Variants in RAD51B observed in about 807,000 individuals in gnomAD.
RAD51B encodes the protein RAD51 paralog B.
RAD51B carries 38 observed loss-of-function variants against 42.2 expected under a neutral mutation model. That is an observed-to-expected ratio of 0.90 (90% CI 0.70 to 1.18). The LOEUF (loss-of-function observed/expected upper bound fraction) is 1.18, where lower values mean the gene tolerates loss of function less well. RAD51B is among the 50% of genes most tolerant of loss of function. The pLI is 0.00. For missense variants in RAD51B, 373 were observed against 400.7 expected (o/e 0.93, Z 0.59); for synonymous variants, 154 against 145.2 (o/e 1.06, Z -0.43).
exon 11 of RAD51B, chr14:68,611,460 C>T (rs1372058896): frequency 1.7e-6 from 1 of 572,320 alleles, no homozygotes; most frequent in East Asian, 2.9e-5. Flanking sequence ...ATCTCATTTC[C>T]TCCAGCTGGG....
At chr14:68,681,098 T>C (rs1011394674) in intron 11 of RAD51B, among the ~76,000 whole-genome samples, 5 of 152,192 alleles carry the variant, frequency 3.3e-5, no homozygotes, top group Non-Finnish European at 5.9e-5. Context: ...TTGTCTGTCA[T>C]GGATTTACTC....
chr14:68,616,551 C>G (rs1891830492), downstream of RAD51B, among the ~76,000 whole-genome samples: 1 of 152,034 alleles, frequency 6.6e-6, no homozygotes, highest in Non-Finnish European at 1.5e-5. Context: ...TTATGATGTA[C>G]TTTGGTATGA....
chr14:67,843,129 T>C (rs892519010), intron 4 of RAD51B, among the ~76,000 whole-genome samples: 58 of 151,232 alleles, frequency 3.8e-4, no homozygotes, highest in Non-Finnish European at 3.1e-4. Flanking sequence ...ACCTGATGCT[T>C]TCTTTTTTTT....
At chr14:68,530,478 G>GAGAT (rs1887229526) in intron 10 of RAD51B, among the ~76,000 whole-genome samples, 1 of 113,678 alleles carries the variant, frequency 8.8e-6, no homozygotes, top group African/African-American at 3.0e-5. Context: ...AAGAGATAAA[G>GAGAT]AAAGAAAAAA....
At chr14:68,150,776 G>A (rs932230317) in intron 7 of RAD51B, among the ~76,000 whole-genome samples, 6 of 152,184 alleles carry the variant, frequency 3.9e-5, no homozygotes, top group African/African-American at 1.4e-4. Context: ...GGATTTGACA[G>A]TATATATCTT....
intron 4 of RAD51B, 93 bp from the exon 5 acceptor site, chr14:67,864,910 A>G (rs2042275093): frequency 7.1e-7 from 1 of 1,417,826 alleles, no homozygotes; most frequent in Non-Finnish European, 9.3e-7. Flanking sequence ...ATATATGGCA[A>G]AGTCTTAAAA....
intron 7 of RAD51B, among the ~76,000 whole-genome samples, chr14:68,177,736 A>C (rs1204871153): frequency 6.6e-6 from 1 of 152,110 alleles, no homozygotes; most frequent in South Asian, 2.1e-4. Context: ...TCCAAAAGTC[A>C]GAAGAATTTA....
intron 4 of RAD51B, among the ~76,000 whole-genome samples, chr14:67,845,154 C>T (rs963658843): frequency 6.6e-6 from 1 of 152,094 alleles, no homozygotes; most frequent in Non-Finnish European, 1.5e-5. Context: ...TGTTGTTAGC[C>T]GGTTATTATG....
At chr14:68,060,250 A>C (rs1393120204) in intron 7 of RAD51B, among the ~76,000 whole-genome samples, 6 of 152,218 alleles carry the variant, frequency 3.9e-5, no homozygotes, top group Non-Finnish European at 8.8e-5. Context: ...TTTTGATAGA[A>C]GATAAAAGAA....
At chr14:68,551,165 C>T (rs542168012) in intron 10 of RAD51B, among the ~76,000 whole-genome samples, 7 of 152,174 alleles carry the variant, frequency 4.6e-5, no homozygotes, top group Non-Finnish European at 1.0e-4. Flanking sequence ...GGCGTGCTCT[C>T]CCCACACGGC....
At chr14:68,325,922 TG>T (rs1198663606) in intron 8 of RAD51B, among the ~76,000 whole-genome samples, 1 of 152,132 alleles carries the variant, frequency 6.6e-6, no homozygotes, top group Non-Finnish European at 1.5e-5. Context: ...GTGCTAGGTC[TG>T]GGGAATGGAA....
At chr14:68,040,418 C>G (rs1201381106) in intron 7 of RAD51B, among the ~76,000 whole-genome samples, 6 of 152,022 alleles carry the variant, frequency 3.9e-5, no homozygotes, top group African/African-American at 1.4e-4. Context: ...TAGCTTTATC[C>G]TAAGTGATAA....
At chr14:67,937,958 G>A (rs2045018363) in intron 7 of RAD51B, among the ~76,000 whole-genome samples, 2 of 152,030 alleles carry the variant, frequency 1.3e-5, no homozygotes, top group Non-Finnish European at 2.9e-5. Flanking sequence ...TCTGAGAAAG[G>A]TGTCTACCTT....
intron 7 of RAD51B, among the ~76,000 whole-genome samples, chr14:67,891,530 G>T (rs1389007707): frequency 6.6e-6 from 1 of 151,998 alleles, no homozygotes; most frequent in Non-Finnish European, 1.5e-5. Context: ...CAAATGGAAA[G>T]AATTTGTTCT....
At chr14:68,613,523 A>G (rs1233389230), downstream of RAD51B, among the ~76,000 whole-genome samples, 2 of 149,020 alleles carry the variant, frequency 1.3e-5, no homozygotes, top group Admixed American at 6.8e-5. Flanking sequence ...GCACGATCTC[A>G]GCTCACTGCA....
chr14:68,260,058 A>G lies in RAD51B; in HGVS notation c.757-31826A>G, dbSNP rs117810665. ...ATATTTGACCAGGGAAATAAAACTA[A>G]GGAAAGTGATAATGGGGGGGTGTGG... On this transcript the variant is annotated intron_variant, in intron 7 of 10. Transcript: ENST00000471583. Among the ~76,000 whole-genome samples the G allele has an allele frequency of 7.3e-4, 111 of 152,080 alleles. 1 individual carries two copies. The East Asian group carries it at 0.02, about 28-fold the overall frequency.
At chr14:68,546,840 C>T (rs142371127) in intron 10 of RAD51B, among the ~76,000 whole-genome samples, 3 of 152,154 alleles carry the variant, frequency 2.0e-5, no homozygotes, top group Admixed American at 1.3e-4. Flanking sequence ...TTATCTTGGG[C>T]GACCAACTCC....
At chr14:67,832,181 G>A (rs2041075745) in intron 3 of RAD51B, among the ~76,000 whole-genome samples, 1 of 152,044 alleles carries the variant, frequency 6.6e-6, no homozygotes, top group Non-Finnish European at 1.5e-5. Flanking sequence ...TTGCTATGAT[G>A]CCCAGGCTGG....
chr14:68,560,847 T>C (rs1313115424), intron 10 of RAD51B, among the ~76,000 whole-genome samples: 1 of 151,034 alleles, frequency 6.6e-6, no homozygotes, highest in Non-Finnish European at 1.5e-5. Context: ...CTCTCCACAC[T>C]ACAAGGCTAC....
Sources: gnomAD v4.1 joint callset for allele counts (sites outside exome capture counted in the v4.1 genomes callset) on GRCh38, gnomAD v4.1.1 for gene constraint, MANE v1.5 for transcripts, NCBI Gene and HGNC (gene_info 2026-07-23, HGNC 2026-07-21) for gene names.